SPOCK3: variants seen among roughly 807,000 people sequenced by gnomAD.
SPOCK3 encodes the protein testican-3.
A neutral mutation model predicts 56.6 loss-of-function variants in SPOCK3; 30 were observed. That is an observed-to-expected ratio of 0.53 (90% CI 0.40 to 0.72). SPOCK3 has a LOEUF of 0.72. SPOCK3 is among the 30% of genes least tolerant of loss of function. SPOCK3 has a pLI of 0.00. For missense variants in SPOCK3, 527 were observed against 530.0 expected, an observed-to-expected ratio of 0.99 and a Z score of 0.06; for synonymous variants, 196 against 183.3, an observed-to-expected ratio of 1.07 and a Z score of -0.56.
chr4:167,146,946 G>T (rs1764013201), intron 2 of SPOCK3, among the ~76,000 whole-genome samples: 1 of 151,844 alleles, frequency 6.6e-6, no homozygotes, highest in Admixed American at 6.6e-5. Flanking sequence ...CAGAAGACAA[G>T]AAATAACTAA....
intron 2 of SPOCK3, among the ~76,000 whole-genome samples, chr4:167,165,613 C>A (rs1321734830): frequency 6.6e-6 from 1 of 151,978 alleles, no homozygotes; most frequent in Non-Finnish European, 1.5e-5. Flanking sequence ...AAATTTGGTT[C>A]AATTCCTAGA....
intron 5 of SPOCK3, 113 bp from the exon 6 acceptor site, chr4:166,889,357 C>T (rs1734527544): frequency 1.5e-6 from 1 of 657,542 alleles, no homozygotes. Flanking sequence ...GGAGATTTTT[C>T]CACCAGGTAA....
intron 7 of SPOCK3, among the ~76,000 whole-genome samples, chr4:166,780,764 CA>C: frequency 6.6e-6 from 1 of 152,206 alleles, no homozygotes; most frequent in Non-Finnish European, 1.5e-5. Context: ...TGTAGCTTAA[CA>C]AAAATATGAA....
chr4:167,120,388 T>C (rs1761768704), intron 2 of SPOCK3, among the ~76,000 whole-genome samples: 1 of 152,056 alleles, frequency 6.6e-6, no homozygotes, highest in Non-Finnish European at 1.5e-5. Flanking sequence ...ATTTTAGATA[T>C]TATAATTTTA....
chr4:167,230,897 TGA>T (rs1274283655), intron 2 of SPOCK3, among the ~76,000 whole-genome samples: 1 of 152,106 alleles, frequency 6.6e-6, no homozygotes, highest in African/African-American at 2.4e-5. Flanking sequence ...CAAAAATACT[TGA>T]GGTTTCTCCT....
At chr4:167,166,524 G>A (rs11735983) in intron 2 of SPOCK3, among the ~76,000 whole-genome samples, 41,554 of 151,890 alleles carry the variant, frequency 0.27, 6,432 homozygotes, top group African/African-American at 0.43. Flanking sequence ...TCAAGAGTTC[G>A]TGTGCTCTTG....
At chr4:167,021,894 G>A (rs1267435137) in intron 3 of SPOCK3, among the ~76,000 whole-genome samples, 1 of 151,872 alleles carries the variant, frequency 6.6e-6, no homozygotes, top group East Asian at 1.9e-4. Context: ...AAGGTTTTTG[G>A]ACCCCAATTC....
At chr4:166,788,011 G>A (rs1358036093) in intron 7 of SPOCK3, among the ~76,000 whole-genome samples, 1 of 151,962 alleles carries the variant, frequency 6.6e-6, no homozygotes, top group African/African-American at 2.4e-5. Flanking sequence ...GTGAAACCCC[G>A]TCTTCACTAA....
intron 2 of SPOCK3, among the ~76,000 whole-genome samples, chr4:167,208,453 T>C (rs1434204544): frequency 6.6e-6 from 1 of 152,158 alleles, no homozygotes; most frequent in East Asian, 1.9e-4. Flanking sequence ...GAAAATTCTT[T>C]GTAATTTAGG....
At chr4:167,144,063 T>C (rs1485046124) in intron 2 of SPOCK3, among the ~76,000 whole-genome samples, 1 of 152,044 alleles carries the variant, frequency 6.6e-6, no homozygotes, top group Non-Finnish European at 1.5e-5. Flanking sequence ...AACGAGTACA[T>C]GCTCTTCAGA....
intron 2 of SPOCK3, among the ~76,000 whole-genome samples, chr4:167,182,005 G>T (rs904683070): frequency 2.0e-5 from 3 of 151,848 alleles, no homozygotes; most frequent in Non-Finnish European, 4.4e-5. Context: ...TGATGCTATT[G>T]GATAAATTAA....
chr4:166,972,378 A>T (rs972172483), intron 4 of SPOCK3, among the ~76,000 whole-genome samples: 17 of 152,250 alleles, frequency 1.1e-4, no homozygotes, highest in African/African-American at 4.1e-4. Flanking sequence ...TAAAATGATG[A>T]CATTCTAAAT....
At chr4:166,949,414 C>T (rs983876467) in intron 4 of SPOCK3, among the ~76,000 whole-genome samples, 1 of 152,050 alleles carries the variant, frequency 6.6e-6, no homozygotes. Flanking sequence ...AGGAGAGGTG[C>T]TCTGCTTTTT....
chr4:166,985,519 T>C (rs183600619), intron 4 of SPOCK3, among the ~76,000 whole-genome samples: 19 of 152,296 alleles, frequency 1.2e-4, no homozygotes, highest in Admixed American at 1.2e-3. Context: ...TTAGCAAACA[T>C]TCAGGACTCA....
At chr4:167,109,735 T>A (rs1760731815) in intron 2 of SPOCK3, among the ~76,000 whole-genome samples, 2 of 148,854 alleles carry the variant, frequency 1.3e-5, no homozygotes, top group African/African-American at 4.9e-5. Flanking sequence ...TAAAATAGAA[T>A]GAAAAACAAG....
intron 6 of SPOCK3, among the ~76,000 whole-genome samples, chr4:166,872,231 T>C (rs1448719961): frequency 6.6e-6 from 1 of 152,092 alleles, no homozygotes; most frequent in South Asian, 2.1e-4. Flanking sequence ...ATAGAATATG[T>C]AACAGAAGGT....
intron 3 of SPOCK3, among the ~76,000 whole-genome samples, chr4:167,024,407 T>A (rs558975633): frequency 4.8e-4 from 73 of 152,160 alleles, no homozygotes; most frequent in African/African-American, 1.6e-3. Context: ...AGGGTCACAA[T>A]TAAATGTATA....
chr4:166,865,413 A>G (rs577943582), intron 6 of SPOCK3, among the ~76,000 whole-genome samples: 6 of 152,258 alleles, frequency 3.9e-5, no homozygotes, highest in African/African-American at 1.4e-4. Flanking sequence ...TCAACATAGT[A>G]TTGGAAACTC....
intron 4 of SPOCK3, among the ~76,000 whole-genome samples, chr4:166,975,341 T>C (rs1745829077): frequency 6.6e-6 from 1 of 152,186 alleles, no homozygotes; most frequent in South Asian, 2.1e-4. Flanking sequence ...ACTACATATG[T>C]ATCTTTTAAA....
Sources: allele counts gnomAD v4.1 joint callset (sites outside exome capture counted in the v4.1 genomes callset), GRCh38; gene constraint gnomAD v4.1.1; transcripts MANE v1.5; gene names NCBI Gene and HGNC (gene_info 2026-07-23, HGNC 2026-07-21).